Variants in ATXN2 observed in about 807,000 individuals in gnomAD.
ATXN2 encodes ataxin-2.
Under a neutral mutation model 138.6 loss-of-function variants are expected in ATXN2, and 37 were observed. The ratio of observed to expected loss-of-function variants is 0.27; its 90% confidence interval spans 0.21 to 0.35. ATXN2 has a LOEUF of 0.35. ATXN2 is among the 10% of genes least tolerant of loss of function. The pLI is 1.00. For missense variants in ATXN2, 1,216 were observed against 1,480.3 expected (o/e 0.82, Z 2.93); for synonymous variants, 549 against 543.7 (o/e 1.01, Z -0.13).
chr12:111,497,004 T>C (rs1878459314), intron 14 of ATXN2, among the ~76,000 whole-genome samples: 1 of 150,142 alleles, frequency 6.7e-6, no homozygotes, highest in African/African-American at 2.5e-5. Context: ...ACCCAAATAA[T>C]AAAATGAGAG....
chr12:111,544,749 G>A (rs919572369), intron 5 of ATXN2, among the ~76,000 whole-genome samples: 3 of 152,118 alleles, frequency 2.0e-5, no homozygotes, highest in Non-Finnish European at 1.5e-5. Flanking sequence ...CTGAAGGAGG[G>A]TGAAACCAAC....
chr12:111,477,742 G>A (rs1204831221), intron 18 of ATXN2, among the ~76,000 whole-genome samples: 1 of 151,976 alleles, frequency 6.6e-6, no homozygotes, highest in Non-Finnish European at 1.5e-5. Flanking sequence ...TTCACAGTAA[G>A]AAAAGAAACA....
At chr12:111,553,025 C>A in intron 3 of ATXN2, 48 bp from the exon 4 acceptor site, 1 of 1,233,408 alleles carries the variant, frequency 8.1e-7, no homozygotes, top group South Asian at 1.6e-5. Context: ...ACTACCCGGT[C>A]ACCAGGGATA....
chr12:111,556,829 G>T (rs1291439279), intron 1 of ATXN2, among the ~76,000 whole-genome samples: 1 of 139,374 alleles, frequency 7.2e-6, no homozygotes. Context: ...AAAAAAAAAA[G>T]AAAGAAAAAC....
Position 111,513,464 on chromosome 12 carries a change from G to T in ATXN2, c.1451C>A (p.Ser484Tyr). Reference protein sequence around the residue: ...HRVSAGRGSISSGLEFVSHNP... With the variant: ...HRVSAGRGSIYSGLEFVSHNP... ...GTGGGATACAAATTCTAGGCCACTG[G>T]ATATGGAACCCCTCCCAGCAGAAAC... The change falls in exon 11 of 25, where the codon TCC becomes TAC. Residue 484 changes from serine to tyrosine, a missense_variant. By Grantham distance (144) the Ser-to-Tyr change is moderately radical. Around this residue, in one of 4 missense-constraint regions of ATXN2, gnomAD observed 215 missense variants for 210.0 expected, o/e 1.02. Coordinates refer to ENST00000673436, the MANE Select transcript of ATXN2 (RefSeq NM_001372574.1). 1 of 1,614,004 alleles carries T rather than the reference G, an allele frequency of 6.2e-7. No individual in the cohort carries two copies. Among genetic ancestry groups the T allele is most frequent in the South Asian group, 1.1e-5 (1 of 91,068 alleles).
intron 20 of ATXN2, among the ~76,000 whole-genome samples, chr12:111,465,161 A>G (rs1156236315): frequency 1.3e-5 from 2 of 152,234 alleles, no homozygotes; most frequent in African/African-American, 4.8e-5. Context: ...GAATATAAAC[A>G]TGAATATTAT....
chr12:111,509,567 T>C lies in ATXN2; in HGVS notation c.1917A>G (p.Lys639=), dbSNP rs753241753. 1 of 1,476,044 alleles carries C rather than the reference T, an allele frequency of 6.8e-7. No individual in the cohort carries two copies. Among genetic ancestry groups the C allele is most frequent in the South Asian group, 1.2e-5 (1 of 83,792 alleles). 91.4% of individuals were successfully genotyped at this position (1,476,044 alleles called of 1,614,324 possible). Residue 639 remains lysine, a synonymous_variant, in exon 14 of 25, where the codon AAA becomes AAG. Transcript: ENST00000673436. ...TACTTACCCTAAAATCATTCTTAAA[T>C]TTCTTTAAATCATCAATCTGTTTTC... ...EHRKQIDDLK[K]FKNDFRLQPS... is the part of the protein sequence containing the mutation.
chr12:111,529,009 A>G (rs1880658106), intron 5 of ATXN2, among the ~76,000 whole-genome samples: 1 of 151,940 alleles, frequency 6.6e-6, no homozygotes, highest in African/African-American at 2.4e-5. Context: ...GGTCTTTGTC[A>G]CTCATGCTGG....
chr12:111,489,727 G>A (rs1190078939), intron 14 of ATXN2, among the ~76,000 whole-genome samples: 2 of 151,532 alleles, frequency 1.3e-5, no homozygotes, highest in Admixed American at 6.6e-5. Flanking sequence ...TTCAAGACCA[G>A]CCTGGGCAAC....
chr12:111,551,210 T>C (rs1382938791), intron 5 of ATXN2, among the ~76,000 whole-genome samples: 1 of 150,496 alleles, frequency 6.6e-6, no homozygotes, highest in East Asian at 2.0e-4. Flanking sequence ...GGCAGGAGAA[T>C]CGCTTGAACC....
chr12:111,495,256 T>C (rs1420534293), intron 14 of ATXN2, among the ~76,000 whole-genome samples: 3 of 143,442 alleles, frequency 2.1e-5, no homozygotes, highest in African/African-American at 7.9e-5. Flanking sequence ...TGCAGTGAGC[T>C]GAGATAGCGC....
rs1876346686 is a variant in ATXN2 at position 111,470,658 on chromosome 12, G to C, written c.2609C>G (p.Ala870Gly). 1.2e-6 allele frequency: 2 copies of C among 1,614,064 alleles called. No homozygotes were observed. The highest frequency in any genetic ancestry group is 1.7e-6 in the Non-Finnish European group (2 of 1,180,032). Residue 870 changes from alanine (A) to glycine (G), a missense_variant, in exon 19 of 25, where the codon GCA (alanine) becomes GGA (glycine). Ala to Gly is a moderately conservative substitution (Grantham distance 60). This residue lies in a region of ATXN2 where 490 missense variants were observed against 653.5 expected (regional missense o/e 0.75). Transcript: ENST00000673436. ...CGTGGAGTAAGCTGGTGGGGTGGCT[G>C]CAATCGGTGGGCCCGCTGCTGACGC... ...HPASAAGPPIAATPPAYSTQY... is the reference protein window; with the variant it reads ...HPASAAGPPIGATPPAYSTQY...
chr12:111,477,000 A>G (rs916315520), intron 18 of ATXN2, among the ~76,000 whole-genome samples: 7 of 152,284 alleles, frequency 4.6e-5, no homozygotes, highest in African/African-American at 1.7e-4. Flanking sequence ...TCAATACAAC[A>G]AAACAGTTCA....
intron 1 of ATXN2, among the ~76,000 whole-genome samples, chr12:111,590,667 G>A (rs1884609404): frequency 6.8e-6 from 1 of 147,184 alleles, no homozygotes; most frequent in Admixed American, 6.7e-5. Flanking sequence ...CCTGGTGACA[G>A]AGCGAGACTC....
intron 1 of ATXN2, among the ~76,000 whole-genome samples, chr12:111,595,973 G>A (rs372587770): frequency 2.0e-5 from 3 of 151,926 alleles, no homozygotes; most frequent in South Asian, 4.1e-4. Context: ...CAAGGCAGGC[G>A]GATCACTTGA....
At chr12:111,531,950 A>C (rs1039277544) in intron 5 of ATXN2, among the ~76,000 whole-genome samples, 5 of 152,268 alleles carry the variant, frequency 3.3e-5, no homozygotes, top group Non-Finnish European at 7.3e-5. Context: ...AAAACTAAAA[A>C]AATCTGTTGG....
chr12:111,475,223 AG>A (rs1876712631), intron 18 of ATXN2, among the ~76,000 whole-genome samples: 1 of 151,118 alleles, frequency 6.6e-6, no homozygotes. Flanking sequence ...CAAAAAAAAA[AG>A]GCTGGGCTAC....
At position 111,540,476 on chromosome 12, in the gene ATXN2, C is replaced by T. The variant is rs1462532581; in HGVS notation, c.571+11804G>A. Among the ~76,000 whole-genome samples the T allele has an allele frequency of 1.3e-5, 2 of 150,646 alleles. 1 individual carries two copies. The highest frequency in any genetic ancestry group is 1.3e-4 in the Admixed American group (2 of 15,054). On this transcript the variant is annotated intron_variant, in intron 5 of 24. Transcript: ENST00000673436. Reference sequence around the variant, plus strand: ...TAGTAGTAATCTTTCTCACATTTACCATTCAGCGCAAGCTGATAGACAATC... The same window carrying T: ...TAGTAGTAATCTTTCTCACATTTACTATTCAGCGCAAGCTGATAGACAATC...
At chr12:111,589,013 AAAAAAAAAAAAC>A in intron 1 of ATXN2, among the ~76,000 whole-genome samples, 2 of 136,242 alleles carry the variant, frequency 1.5e-5, no homozygotes, top group Non-Finnish European at 3.0e-5. Context: ...AAAAAAAAAA[AAAAAAAAAAAAC>A]TAAACCAAAC....
Sources: gnomAD v4.1 joint callset for allele counts (sites outside exome capture counted in the v4.1 genomes callset) on GRCh38, gnomAD v4.1.1 for gene constraint, gnomAD v4.1.1 regional missense constraint, MANE v1.5 for transcripts, NCBI Gene and HGNC (gene_info 2026-07-23, HGNC 2026-07-21) for gene names.